SLIT1: variants seen among roughly 807,000 people sequenced by gnomAD.
SLIT1 encodes the protein slit guidance ligand 1, also known as slit homolog 1 protein.
SLIT1 carries 66 observed loss-of-function variants against 186.1 expected under a neutral mutation model. The observed-to-expected ratio is 0.35, with a 90% confidence interval of 0.29 to 0.44. The LOEUF (loss-of-function observed/expected upper bound fraction) is 0.44. Ranked by LOEUF, SLIT1 falls within the 20% of genes least tolerant of loss-of-function variation. SLIT1 has a pLI of 1.00. For missense variants in SLIT1, 1,638 were observed against 2,037.4 expected (o/e 0.80, Z 3.77); for synonymous variants, 761 against 833.8 (o/e 0.91, Z 1.50).
chr10:97,004,842 TTCTC>T lies in SLIT1; in HGVS notation c.3580-23_3580-20del. Reference sequence around the variant, plus strand: ...TGGAGACCTGATGGGCAGTGGCACTTTCTCTCCCACCCCACCCCATGCAGCAGCG... The same window carrying T: ...TGGAGACCTGATGGGCAGTGGCACTTTCCCACCCCACCCCATGCAGCAGCG... On this transcript the variant is annotated intron_variant, in intron 32 of 36. Coordinates refer to ENST00000266058, the MANE Select transcript of SLIT1 (RefSeq NM_003061.3). The surrounding 1 kb of genome is among the most constrained non-coding windows in gnomAD (Gnocchi z 5.1). 1 of 1,613,936 alleles carries T rather than the reference TTCTC, an allele frequency of 6.2e-7. No individual in the cohort carries two copies. The highest frequency in any genetic ancestry group is 2.2e-5 in the East Asian group (1 of 44,868).
intron 4 of SLIT1, among the ~76,000 whole-genome samples, chr10:97,108,399 C>T (rs1208024745): frequency 2.0e-5 from 3 of 152,244 alleles, no homozygotes; most frequent in South Asian, 2.1e-4. Flanking sequence ...AAGCGCTTGG[C>T]TCTTGCAGAA....
At chr10:97,034,719 T>C (rs758107450) in intron 22 of SLIT1, among the ~76,000 whole-genome samples, 177 bp from the exon 23 acceptor site, 3 of 152,168 alleles carry the variant, frequency 2.0e-5, no homozygotes, top group Non-Finnish European at 4.4e-5. Context: ...GCTACAGTGC[T>C]GCGCTGCTCC....
At position 97,046,776 on chromosome 10, in the gene SLIT1, C is replaced by T. The variant is rs777317654; in HGVS notation, c.1731G>A (p.Val577=). 5.6e-6 allele frequency: 9 copies of T among 1,612,498 alleles called. No homozygotes were observed. In the East Asian group the frequency reaches 1.3e-4, roughly 24 times the overall value. ...LKKINLSNNK[V]SEIEDGAFEG... is the part of the protein sequence containing the mutation. ...CGAAGGCCCCATCTTCAATTTCTGA[C>T]ACCTTGTTGTTGCTCAGATTGCTGG... The change falls in exon 18 of 37, where the codon GTG becomes GTA. Residue 577 remains valine (V), a synonymous_variant. Transcript: ENST00000266058.
intron 34 of SLIT1, 94 bp downstream of exon 34, chr10:97,003,974 T>A: frequency 1.7e-6 from 2 of 1,156,594 alleles, no homozygotes. Context: ...TCTTCCCACT[T>A]GGCATTTCCC....
At position 97,012,805 on chromosome 10, in the gene SLIT1, G is replaced by A. The variant is rs570567927; in HGVS notation, c.3203+936C>T. Among the ~76,000 whole-genome samples the A allele has an allele frequency of 2.0e-5, 3 of 152,258 alleles. No individual in the cohort carries two copies. The South Asian group carries it at 6.2e-4, about 32-fold the overall frequency. On this transcript the variant is annotated intron_variant, in intron 30 of 36. Coordinates refer to ENST00000266058, the MANE Select transcript of SLIT1 (RefSeq NM_003061.3). The stretch of plus-strand genomic sequence containing the variant: ...TCCAGCTAGACAGGGGGCTCCTGGG[G>A]GACTCCATCTGAGTCCCTAGGCTTG...
chr10:97,182,977 A>G (rs1850361579), intron 1 of SLIT1, among the ~76,000 whole-genome samples: 3 of 151,924 alleles, frequency 2.0e-5, no homozygotes, highest in Admixed American at 2.0e-4. Flanking sequence ...AAAGGAAAAA[A>G]AAAAAAAGAC....
At chr10:97,039,689 A>G (rs1848673346) in intron 21 of SLIT1, among the ~76,000 whole-genome samples, 1 of 152,262 alleles carries the variant, frequency 6.6e-6, no homozygotes, top group African/African-American at 2.4e-5. Context: ...GGAGCCTGAG[A>G]CAATGACAGG....
intron 1 of SLIT1, among the ~76,000 whole-genome samples, chr10:97,165,299 G>A (rs908412942): frequency 9.2e-5 from 14 of 152,250 alleles, no homozygotes; most frequent in Middle Eastern, 3.4e-3. Context: ...TACCTTATAC[G>A]GTTAGCACAG....
Position 97,063,567 on chromosome 10 carries a change from C to G in SLIT1, c.681G>C (p.Ser227=). The change falls in exon 8 of 37, where the codon TCG becomes TCC. Residue 227 remains serine (S), a synonymous_variant. Transcript: ENST00000266058. ...LFCDCHLAWL[S]QWLRQRPTIG... ...TGGTTGGCCGCTGCCTCAGCCACTG[C>G]GAGAGCCAGGCCAGGTGGCAGTCGC... 1 of 1,613,222 alleles carries G rather than the reference C, an allele frequency of 6.2e-7. No homozygotes were observed. Among genetic ancestry groups the G allele is most frequent in the Non-Finnish European group, 8.5e-7 (1 of 1,179,786 alleles).
chr10:97,104,612 A>G (rs1042234696), intron 4 of SLIT1, among the ~76,000 whole-genome samples: 1 of 151,886 alleles, frequency 6.6e-6, no homozygotes, highest in African/African-American at 2.4e-5. Flanking sequence ...CTTGGATGCA[A>G]GCCCCTGTAA....
intron 4 of SLIT1, among the ~76,000 whole-genome samples, chr10:97,098,917 C>T (rs1849320047): frequency 6.6e-6 from 1 of 152,136 alleles, no homozygotes; most frequent in Admixed American, 6.5e-5. Context: ...TTGGCCTCAC[C>T]AAGTGGCCCT....
chr10:97,086,574 AC>A (rs1056841232), intron 4 of SLIT1, among the ~76,000 whole-genome samples: 6 of 152,062 alleles, frequency 3.9e-5, no homozygotes, highest in African/African-American at 1.4e-4. Flanking sequence ...CAAGACTCCA[AC>A]CCTCCCAAAA....
chr10:97,025,832 T>C (rs1012111067), intron 25 of SLIT1, among the ~76,000 whole-genome samples: 2 of 152,200 alleles, frequency 1.3e-5, no homozygotes, highest in African/African-American at 2.4e-5. Context: ...GCCCCCTGGC[T>C]GTCTTACAAG....
chr10:97,140,782 G>A (rs111890002), intron 4 of SLIT1, among the ~76,000 whole-genome samples: 2 of 152,288 alleles, frequency 1.3e-5, no homozygotes, highest in African/African-American at 4.8e-5. Context: ...TAAACCTCCT[G>A]TGTCTCTTTA....
intron 4 of SLIT1, among the ~76,000 whole-genome samples, chr10:97,137,124 A>ATTTTT (rs1244224043): frequency 1.3e-5 from 2 of 152,136 alleles, no homozygotes; most frequent in Non-Finnish European, 2.9e-5. Context: ...AAAAACAACC[A>ATTTTT]TTTTTATTTT....
chr10:97,034,673 C>A (rs1848622657), intron 22 of SLIT1, 131 bp from the exon 23 acceptor site: 1 of 739,378 alleles, frequency 1.4e-6, no homozygotes. Context: ...TGGAGAGGAG[C>A]CCTGGTGCAC....
intron 4 of SLIT1, among the ~76,000 whole-genome samples, chr10:97,129,258 C>T (rs1468347755): frequency 1.3e-5 from 2 of 151,846 alleles, no homozygotes; most frequent in African/African-American, 4.8e-5. Context: ...AAAAATTAGT[C>T]GGGTGTGGTG....
At chr10:97,088,098 T>C (rs1849186540) in intron 4 of SLIT1, among the ~76,000 whole-genome samples, 1 of 152,178 alleles carries the variant, frequency 6.6e-6, no homozygotes, top group Non-Finnish European at 1.5e-5. Context: ...TAAAAAATAC[T>C]GTTGCCTGGA....
chr10:97,090,497 C>G (rs1368930491), intron 4 of SLIT1, among the ~76,000 whole-genome samples: 1 of 152,112 alleles, frequency 6.6e-6, no homozygotes, highest in Non-Finnish European at 1.5e-5. Context: ...GTGAGTTGGA[C>G]TCAAAGTGAG....
Sources: gnomAD v4.1 joint callset for allele counts (sites outside exome capture counted in the v4.1 genomes callset) on GRCh38, gnomAD v4.1.1 for gene constraint, Gnocchi (gnomAD v3.1) non-coding constraint, MANE v1.5 for transcripts, NCBI Gene and HGNC (gene_info 2026-07-23, HGNC 2026-07-21) for gene names.